MDN1: variants seen among roughly 807,000 people sequenced by gnomAD.
MDN1 encodes the protein midasin AAA ATPase 1, also known as midasin.
MDN1 carries 266 observed loss-of-function variants against 669.2 expected under a neutral mutation model. That is an observed-to-expected ratio of 0.40 (90% CI 0.36 to 0.44). MDN1 has a LOEUF of 0.44. MDN1 is among the 20% of genes least tolerant of loss of function. The probability of loss-of-function intolerance (pLI) is 1.00; values close to 1 mark genes in which losing one functional copy is unlikely to be tolerated. For synonymous variants in MDN1, 2,385 were observed against 2,457.1 expected (o/e 0.97, Z 0.87); for missense variants, 5,940 against 6,754.0 (o/e 0.88, Z 4.22).
At chr6:89,811,529 C>G (rs1022174152) in intron 1 of MDN1, among the ~76,000 whole-genome samples, 1 of 151,938 alleles carries the variant, frequency 6.6e-6, no homozygotes, top group Non-Finnish European at 1.5e-5. Flanking sequence ...CTCCGCGTCC[C>G]TCTCGGGTTC....
At chr6:89,687,921 T>C (rs1812129617) in intron 67 of MDN1, among the ~76,000 whole-genome samples, 157 bp downstream of exon 67, 1 of 152,180 alleles carries the variant, frequency 6.6e-6, no homozygotes, top group Non-Finnish European at 1.5e-5. Context: ...GGCAACAGCC[T>C]CACTTGCAAT....
intron 2 of MDN1, among the ~76,000 whole-genome samples, chr6:89,802,051 G>A (rs1463039593): frequency 6.6e-6 from 1 of 152,136 alleles, no homozygotes; most frequent in African/African-American, 2.4e-5. Flanking sequence ...AGGGGATTTG[G>A]GAGCACAAGT....
rs1491177575 is a variant in MDN1, at chr6:89,746,614, A to AGAAAGAAG, written c.3904+714_3904+715insCTTCTTTC. On this transcript the variant is annotated intron_variant, in intron 27 of 101. Transcript: ENST00000369393. ...ATCTCAAAAAAAAAAAAAAAAAAAA[A>AGAAAGAAG]GAAAGAAAGAAAGAAAGAAAGAAAG... Among the ~76,000 whole-genome samples the AGAAAGAAG allele has an allele frequency of 1.6e-3, 13 of 7,942 alleles. 1 individual carries two copies. Among genetic ancestry groups the AGAAAGAAG allele is most frequent in the African/African-American group, 5.6e-3 (13 of 2,308 alleles). 5.2% of individuals were successfully genotyped at this position (7,942 alleles called of 152,430 possible).
In MDN1 at chr6:89,751,497, T is replaced by C. The variant is rs758171007; in HGVS notation, c.3161A>G (p.Glu1054Gly). 15 of 1,614,084 alleles carry C rather than the reference T, an allele frequency of 9.3e-6. No individual in the cohort carries two copies. In the Admixed American group the frequency reaches 2.3e-4, roughly 25 times the overall value. ...CACAGAAGATGTCAGAATGTACGTC[T>C]CATCTATTGTAGGCTCCTTGTCTCC... ...AVGDKEPTID[E>G]TYILTSSVKL... The change falls in exon 23 of 102, where the codon GAG becomes GGG. Residue 1054 changes from glutamate (E) to glycine (G), a missense_variant. Transcript: ENST00000369393.
At chr6:89,646,430 A>C in intron 100 of MDN1, 110 bp downstream of exon 100, 1 of 854,450 alleles carries the variant, frequency 1.2e-6, no homozygotes, top group Non-Finnish European at 1.9e-6. Context: ...TTTCCTGTGG[A>C]GCATACCTAT....
intron 1 of MDN1, among the ~76,000 whole-genome samples, 196 bp from the exon 2 acceptor site, chr6:89,803,750 T>A (rs962418583): frequency 7.9e-5 from 12 of 151,676 alleles, no homozygotes; most frequent in Admixed American, 2.6e-4. Flanking sequence ...CCCGGCTAAT[T>A]TTTTATATTT....
chr6:89,657,337 A>G (rs1300597677), intron 90 of MDN1, among the ~76,000 whole-genome samples: 3 of 152,208 alleles, frequency 2.0e-5, no homozygotes, highest in Non-Finnish European at 4.4e-5. Context: ...TGTCAGTAAG[A>G]ACTAGGACTC....
rs1411200297 is a variant in MDN1 at position 89,803,899 on chromosome 6, T to C, written c.103-345A>G. 4.1e-4 allele frequency among the ~76,000 whole-genome samples: 37 copies of C among 89,670 alleles called. 1 individual carries two copies. In the South Asian group the frequency reaches 8.9e-3, roughly 22 times the overall value. 58.8% of individuals were successfully genotyped at this position (89,670 alleles called of 152,430 possible). ...CCCGGCCTTTTCTTTTCTTTTCTTTTTTTTTTTTTTTTTTTTTTTGGAGAC... is the reference window on the plus strand; with the variant it reads ...CCCGGCCTTTTCTTTTCTTTTCTTTCTTTTTTTTTTTTTTTTTTTGGAGAC... On this transcript the variant is annotated intron_variant, in intron 1 of 101. Coordinates refer to ENST00000369393, the MANE Select transcript of MDN1 (RefSeq NM_014611.3).
intron 90 of MDN1, 56 bp downstream of exon 90, chr6:89,658,153 G>T: frequency 6.3e-7 from 1 of 1,598,108 alleles, no homozygotes; most frequent in South Asian, 1.1e-5. Flanking sequence ...ATGTCGGACA[G>T]GGAGAAGAGA....
chr6:89,754,669 CAGG>C, intron 20 of MDN1, among the ~76,000 whole-genome samples: 1 of 152,302 alleles, frequency 6.6e-6, no homozygotes, highest in East Asian at 1.9e-4. Context: ...CGTTAAAAAG[CAGG>C]AGGATACGAT....
chr6:89,785,519 C>T (rs1818909475), intron 8 of MDN1, among the ~76,000 whole-genome samples: 3 of 152,126 alleles, frequency 2.0e-5, no homozygotes, highest in African/African-American at 4.8e-5. Context: ...AGCTACAGTA[C>T]TTGAAAACCA....
chr6:89,697,629 T>C (rs1228193300), intron 59 of MDN1, among the ~76,000 whole-genome samples: 1 of 151,850 alleles, frequency 6.6e-6, no homozygotes. Context: ...TAACCCAGAC[T>C]GGAGTGCAAT....
intron 22 of MDN1, 24 bp from the exon 23 acceptor site, chr6:89,751,606 A>C (rs1265641423): frequency 6.2e-7 from 1 of 1,609,494 alleles, no homozygotes; most frequent in African/African-American, 1.3e-5. Flanking sequence ...AAGTTCAAGG[A>C]ATAACCCACA....
chr6:89,752,430 T>G (rs1817004826), intron 22 of MDN1, among the ~76,000 whole-genome samples: 1 of 152,180 alleles, frequency 6.6e-6, no homozygotes, highest in Non-Finnish European at 1.5e-5. Context: ...ACTTGTACGA[T>G]TTTTTAAAAG....
chr6:89,653,444 T>C (rs1809025159), intron 93 of MDN1, among the ~76,000 whole-genome samples: 2 of 152,248 alleles, frequency 1.3e-5, no homozygotes, highest in Non-Finnish European at 2.9e-5. Context: ...TGTATGATTC[T>C]TGAAACTATA....
chr6:89,763,294 T>C (rs751903762), intron 15 of MDN1, among the ~76,000 whole-genome samples: 30 of 143,478 alleles, frequency 2.1e-4, no homozygotes, highest in Non-Finnish European at 3.8e-4. Context: ...GCAACAATGA[T>C]ATTGCTTTCA....
In MDN1 at chr6:89,642,596, C is replaced by T. The variant is rs1234857938; in HGVS notation, c.*1409G>A. On this transcript the variant is annotated 3_prime_UTR_variant, in exon 102 of 102. Transcript: ENST00000369393. ...GCAAAGCCAGCATATTATAGCTCAG[C>T]CTACCATGGACATAAATGCAAATGA... 2 of 152,208 alleles carry T rather than the reference C, an allele frequency of 1.3e-5. No homozygotes were observed. Among genetic ancestry groups the T allele is most frequent in the African/African-American group, 4.8e-5 (2 of 41,458 alleles). The allele number at this position is 152,208 out of a possible 1,614,324, so 9.4% of individuals were successfully genotyped here. A position where few individuals can be genotyped will look rare whatever the true frequency, so the allele number is the denominator to read the frequency against.
chr6:89,725,460 G>C, intron 37 of MDN1, 64 bp from the exon 38 acceptor site: 1 of 1,337,256 alleles, frequency 7.5e-7, no homozygotes, highest in Non-Finnish European at 1.1e-6. Context: ...CAAAAAGCAG[G>C]GGAATAATAT....
chr6:89,783,388 G>GGAAAAAACT (rs1470555195), intron 9 of MDN1, among the ~76,000 whole-genome samples: 1 of 152,064 alleles, frequency 6.6e-6, no homozygotes, highest in East Asian at 1.9e-4. Flanking sequence ...ACTAGGGTGG[G>GGAAAAAACT]GAAAAAACTC....
Sources: allele counts gnomAD v4.1 joint callset (sites outside exome capture counted in the v4.1 genomes callset), GRCh38; gene constraint gnomAD v4.1.1; transcripts MANE v1.5; gene names NCBI Gene and HGNC (gene_info 2026-07-23, HGNC 2026-07-21).